The following PHACTR2 variants were observed in gnomAD, a reference collection of about 807,000 sequenced individuals.
PHACTR2 encodes the protein chromosome 6 open reading frame 56.
In PHACTR2, 30 loss-of-function variants were observed where a neutral mutation model predicts 76.0. The ratio of observed to expected loss-of-function variants is 0.39; its 90% CI spans 0.30 to 0.54. The LOEUF (loss-of-function observed/expected upper bound fraction) is 0.54. Among genes scored for constraint, PHACTR2 ranks in the 20% least tolerant of loss-of-function variants. The pLI is 0.61. For missense variants in PHACTR2, 696 were observed against 781.1 expected (o/e 0.89, Z 1.30); for synonymous variants, 292 against 292.5 (o/e 1.00, Z 0.02).
At chr6:143,640,913 A>G (rs972929872) in intron 1 of PHACTR2, among the ~76,000 whole-genome samples, 4 of 152,272 alleles carry the variant, frequency 2.6e-5, no homozygotes. Flanking sequence ...CTTATGAGAG[A>G]CAGAAGAGGA....
In PHACTR2 at chr6:143,664,775, TTTTC is replaced by T. The variant is rs1369441574; in HGVS notation, c.14-47233_14-47230del. 2.0e-5 allele frequency among the ~76,000 whole-genome samples: 3 copies of T among 151,962 alleles called. No individual in the cohort carries two copies. The highest frequency in any genetic ancestry group is 4.8e-5 in the African/African-American group (2 of 41,408). On this transcript the variant is annotated intron_variant, in intron 1 of 11. Transcript: ENST00000305766. The surrounding 1 kb of genome is among the most constrained non-coding windows in gnomAD (Gnocchi z 5.1). ...CATACCACCCTTACCTCTAGGTTCATTTTCTTTCTTTATTTTTATTTTATTTTAT... is the reference window on the plus strand; with the variant it reads ...CATACCACCCTTACCTCTAGGTTCATTTTCTTTATTTTTATTTTATTTTAT...
chr6:143,584,997 AG>A (rs1404914931), intron 1 of PHACTR2, among the ~76,000 whole-genome samples: 1 of 143,320 alleles, frequency 7.0e-6, no homozygotes, highest in African/African-American at 2.6e-5. Context: ...AAAAAAAAAA[AG>A]CTATAGGCTT....
rs556160820 is a variant in PHACTR2 at position 143,627,665 on chromosome 6, G to C, written c.13+19343G>C. On this transcript the variant is annotated intron_variant, in intron 1 of 11. Transcript: ENST00000305766. The surrounding 1 kb of genome is among the most constrained non-coding windows in gnomAD (Gnocchi z 4.3). ...CACCCAGGCTGGAATGCAGTGGCAC[G>C]ATCTCGGCTCACTGCAACCTCCGCC... 2.0e-5 allele frequency among the ~76,000 whole-genome samples: 3 copies of C among 149,320 alleles called. No individual in the cohort carries two copies. Among genetic ancestry groups the C allele is most frequent in the Non-Finnish European group, 4.4e-5 (3 of 67,604 alleles).
intron 1 of PHACTR2, among the ~76,000 whole-genome samples, chr6:143,666,115 A>G (rs1425180559): frequency 6.7e-6 from 1 of 149,126 alleles, no homozygotes; most frequent in African/African-American, 2.5e-5. Context: ...CTTATGAGTG[A>G]GAACATGTGG....
rs190846758 is a variant in PHACTR2, at chr6:143,696,209, T to C, written c.47-15807T>C. Among the ~76,000 whole-genome samples the C allele has an allele frequency of 1.3e-3, 194 of 152,304 alleles. No individual in the cohort carries two copies. Among genetic ancestry groups the C allele is most frequent in the African/African-American group, 4.5e-3 (185 of 41,568 alleles). ...CCAGGGCATTTCTGCTATAGAGTAG[T>C]GGGGATTTCCCTCGAGTCTTAGTTG... On this transcript the variant is annotated intron_variant, in intron 1 of 12. Coordinates refer to ENST00000440869, the MANE Select transcript of PHACTR2 (RefSeq NM_001100164.2). The surrounding 1 kb of genome is among the most constrained non-coding windows in gnomAD (Gnocchi z 4.1).
rs1776558318 is a variant in PHACTR2, at chr6:143,827,176, ATATATATATATATATATATATATGTATAT to A, written c.*3496_*3524del. 7.9e-6 allele frequency: 1 copy of A among 126,478 alleles called. No individual in the cohort carries two copies. The highest frequency in any genetic ancestry group is 3.1e-5 in the African/African-American group (1 of 32,476). 7.8% of individuals were successfully genotyped at this position (126,478 alleles called of 1,614,324 possible). ...AGAAAATATATATATATATATATAT[ATATATATATATATATATATATATGTATAT>A]TATATATACAGTAGCTTACACTTAA... On this transcript the variant is annotated 3_prime_UTR_variant, in exon 13 of 13. Coordinates refer to ENST00000440869, the MANE Select transcript of PHACTR2 (RefSeq NM_001100164.2).
At chr6:143,629,794 T>C (rs1459877293) in intron 1 of PHACTR2, among the ~76,000 whole-genome samples, 1 of 152,052 alleles carries the variant, frequency 6.6e-6, no homozygotes, top group Non-Finnish European at 1.5e-5. Context: ...TGTCAAGCCC[T>C]GAGATAATGA....
chr6:143,707,968 C>T (rs2128460131), intron 1 of PHACTR2, among the ~76,000 whole-genome samples: 1 of 152,228 alleles, frequency 6.6e-6, no homozygotes, highest in South Asian at 2.1e-4. Context: ...CATATGATTT[C>T]ACTCACTATA....
In PHACTR2 at chr6:143,783,257, C is replaced by A; in HGVS notation, c.1684C>A (p.Leu562Ile). The A allele has an allele frequency of 6.2e-7, 1 of 1,608,950 alleles. No homozygotes were observed. The highest frequency in any genetic ancestry group is 8.5e-7 in the Non-Finnish European group (1 of 1,175,778). Reference sequence around the variant, plus strand: ...AGAGGAACAAGAAGCAAAAATGGAACTTAAACGCAGACTCAGCAGAAAGGT... The same window carrying A: ...AGAGGAACAAGAAGCAAAAATGGAAATTAAACGCAGACTCAGCAGAAAGGT... ...EEEEQEAKME[L>I]KRRLSRKLSL... is the part of the protein sequence containing the mutation. The change falls in exon 10 of 13, where the codon CTT becomes ATT. Residue 562 changes from leucine to isoleucine, a missense_variant. Physicochemically the swap from Leu to Ile is conservative, Grantham distance 5. This residue lies in a region of PHACTR2 where 236 missense variants were observed against 330.2 expected (regional missense o/e 0.71). Coordinates refer to ENST00000440869, the MANE Select transcript of PHACTR2 (RefSeq NM_001100164.2). This position sits in a 1 kb window ranked among gnomAD's most constrained non-coding sequence, Gnocchi z 5.2.
chr6:143,797,887 T>C (rs1414934777), intron 11 of PHACTR2, among the ~76,000 whole-genome samples: 2 of 152,190 alleles, frequency 1.3e-5, no homozygotes, highest in Non-Finnish European at 2.9e-5. Context: ...GCGAGCTCTT[T>C]TTTGGTTCCA....
At chr6:143,692,436 A>G (rs1317211583) in intron 1 of PHACTR2, among the ~76,000 whole-genome samples, 1 of 152,154 alleles carries the variant, frequency 6.6e-6, no homozygotes, top group African/African-American at 2.4e-5. Flanking sequence ...TCATTTTCCT[A>G]AAGGCCTCTA....
chr6:143,749,889 C>A (rs76545453), intron 3 of PHACTR2, among the ~76,000 whole-genome samples: 1,601 of 152,226 alleles, frequency 0.011, 24 homozygotes, highest in African/African-American at 0.037. Context: ...CTCATGCCTC[C>A]CTTCCCCTCA....
intron 12 of PHACTR2, among the ~76,000 whole-genome samples, chr6:143,813,712 T>C (rs1776233818): frequency 6.6e-6 from 1 of 152,110 alleles, no homozygotes; most frequent in Admixed American, 6.5e-5. Flanking sequence ...AGAGTGGGGT[T>C]ATAGTAATCT....
chr6:143,669,543 A>G (rs1485638663), intron 1 of PHACTR2, among the ~76,000 whole-genome samples: 1 of 152,144 alleles, frequency 6.6e-6, no homozygotes, highest in African/African-American at 2.4e-5. Context: ...TTGCTTTATA[A>G]ATCAGGGTGC....
rs1209109852 is a variant in PHACTR2, at chr6:143,633,251, C to G, written c.13+24929C>G. ...GCAAAGAATGAGAGTTCCTGTTGCTCCACGTCTCTACCAGGATTTGGTGTT... is the reference window on the plus strand; with the variant it reads ...GCAAAGAATGAGAGTTCCTGTTGCTGCACGTCTCTACCAGGATTTGGTGTT... On this transcript the variant is annotated intron_variant, in intron 1 of 11. Transcript: ENST00000305766. The surrounding 1 kb of genome is among the most constrained non-coding windows in gnomAD (Gnocchi z 4.1). Among the ~76,000 whole-genome samples, 1 of 152,194 alleles carries G rather than the reference C, an allele frequency of 6.6e-6. No homozygotes were observed. The highest frequency in any genetic ancestry group is 2.4e-5 in the African/African-American group (1 of 41,444).
chr6:143,705,580 G>A (rs765824958), intron 1 of PHACTR2, among the ~76,000 whole-genome samples: 5 of 152,236 alleles, frequency 3.3e-5, no homozygotes, highest in Non-Finnish European at 7.3e-5. Flanking sequence ...ACAGGCATGA[G>A]CCACCGTGCC....
chr6:143,702,243 G>A (rs190962420), intron 1 of PHACTR2, among the ~76,000 whole-genome samples: 32 of 151,436 alleles, frequency 2.1e-4, no homozygotes, highest in African/African-American at 7.8e-4. Context: ...GAGTAGCTGG[G>A]ACTACAGGTG....
At position 143,750,532 on chromosome 6, in the gene PHACTR2, A is replaced by G. The variant is rs1779159426; in HGVS notation, c.295+1467A>G. ...TATTTTAAAGAAAGTACAAAATGGA[A>G]AATTTTATGATTGAAACTGTTAATG... On this transcript the variant is annotated intron_variant, in intron 3 of 12. Transcript: ENST00000440869. The surrounding 1 kb of genome is among the most constrained non-coding windows in gnomAD (Gnocchi z 4.6). Among the ~76,000 whole-genome samples the G allele has an allele frequency of 1.3e-5, 2 of 152,248 alleles. No homozygotes were observed.
rs1043645299 is a variant in PHACTR2 at position 143,624,319 on chromosome 6, C to T, written c.13+15997C>T. On this transcript the variant is annotated intron_variant, in intron 1 of 11. Coordinates refer to the PHACTR2 transcript ENST00000305766. The surrounding 1 kb of genome is among the most constrained non-coding windows in gnomAD (Gnocchi z 4.6). The stretch of plus-strand genomic sequence containing the variant: ...ACAGGGTTTCCCCCTGTTGGCCAGG[C>T]TGGTCTCGAACTCCTGACCTCAGGT... Among the ~76,000 whole-genome samples, 1 of 152,136 alleles carries T rather than the reference C, an allele frequency of 6.6e-6. No individual in the cohort carries two copies. The highest frequency in any genetic ancestry group is 1.5e-5 in the Non-Finnish European group (1 of 68,026).
Sources: gnomAD v4.1 joint callset for allele counts (sites outside exome capture counted in the v4.1 genomes callset) on GRCh38, gnomAD v4.1.1 for gene constraint, gnomAD v4.1.1 regional missense constraint, Gnocchi (gnomAD v3.1) non-coding constraint, MANE v1.5 for transcripts, NCBI Gene and HGNC (gene_info 2026-07-23, HGNC 2026-07-21) for gene names.